Variants in CHRM2 observed in about 807,000 individuals in gnomAD.
CHRM2 encodes the protein muscarinic acetylcholine receptor M2.
Under a neutral mutation model 25.0 loss-of-function variants are expected in CHRM2, and 8 were observed. The observed-to-expected ratio is 0.32, with a 90% CI of 0.19 to 0.58. The LOEUF is 0.58. Ranked by LOEUF, CHRM2 falls within the 20% of genes least tolerant of loss-of-function variation. CHRM2 has a pLI of 0.88. For missense variants in CHRM2, 440 were observed against 567.1 expected (o/e 0.78, Z 2.28); for synonymous variants, 202 against 205.7 (o/e 0.98, Z 0.15).
chr7:137,000,194 C>CTTTTTTT (rs57283576), intron 3 of CHRM2, among the ~76,000 whole-genome samples: 7 of 73,310 alleles, frequency 9.5e-5, no homozygotes, highest in East Asian at 4.6e-4. Context: ...CTTTTTCTTT[C>CTTTTTTT]TTTTTTTTTT....
chr7:136,987,792 A>T (rs1802957487), intron 2 of CHRM2, among the ~76,000 whole-genome samples: 2 of 152,136 alleles, frequency 1.3e-5, no homozygotes, highest in South Asian at 4.1e-4. Flanking sequence ...CCACTTACAT[A>T]TTCTCTTAAA....
At chr7:136,969,596 T>C (rs1801633090) in intron 2 of CHRM2, among the ~76,000 whole-genome samples, 1 of 152,178 alleles carries the variant, frequency 6.6e-6, no homozygotes, top group East Asian at 1.9e-4. Context: ...TGTCTTCTGA[T>C]CAATGCTTGG....
intron 3 of CHRM2, among the ~76,000 whole-genome samples, chr7:137,011,921 T>C (rs1200603688): frequency 1.3e-5 from 2 of 152,000 alleles, no homozygotes; most frequent in African/African-American, 4.8e-5. Flanking sequence ...TCTTTCAGGA[T>C]TGTAATTTTG....
intron 2 of CHRM2, among the ~76,000 whole-genome samples, chr7:136,901,614 T>C (rs1224236217): frequency 1.3e-5 from 2 of 151,972 alleles, no homozygotes; most frequent in African/African-American, 2.4e-5. Context: ...TGATGTCATT[T>C]TTTTCCCCCA....
intron 2 of CHRM2, among the ~76,000 whole-genome samples, chr7:136,929,119 T>C (rs1798910762): frequency 6.6e-6 from 1 of 151,818 alleles, no homozygotes; most frequent in Non-Finnish European, 1.5e-5. Flanking sequence ...CTAGAACTTT[T>C]GGTCATTTTA....
chr7:136,928,063 A>G (rs1373508426), intron 2 of CHRM2, among the ~76,000 whole-genome samples: 2 of 152,182 alleles, frequency 1.3e-5, no homozygotes, highest in Non-Finnish European at 2.9e-5. Context: ...ACTGGAGAGA[A>G]TTTTGCGCAG....
At chr7:136,897,194 T>G (rs1796950902) in intron 2 of CHRM2, among the ~76,000 whole-genome samples, 2 of 151,116 alleles carry the variant, frequency 1.3e-5, no homozygotes, top group South Asian at 2.1e-4. Context: ...CTTAGGCAGA[T>G]GGAAATGGTA....
intron 2 of CHRM2, among the ~76,000 whole-genome samples, chr7:136,874,202 C>T (rs1795957214): frequency 2.0e-5 from 3 of 152,038 alleles, no homozygotes; most frequent in South Asian, 2.1e-4. Flanking sequence ...TTTCAATGGC[C>T]CCATTTACTT....
chr7:136,900,408 A>G (rs2130613637), intron 2 of CHRM2, among the ~76,000 whole-genome samples: 1 of 152,246 alleles, frequency 6.6e-6, no homozygotes, highest in African/African-American at 2.4e-5. Context: ...AATTTTGAGC[A>G]GGAGGCTGCG....
chr7:136,950,750 C>G (rs1175898243), intron 2 of CHRM2, among the ~76,000 whole-genome samples: 1 of 152,044 alleles, frequency 6.6e-6, no homozygotes, highest in Non-Finnish European at 1.5e-5. Flanking sequence ...TGAACAAGTC[C>G]AGTGCTTTTA....
intron 2 of CHRM2, among the ~76,000 whole-genome samples, chr7:136,951,828 C>G (rs1800429852): frequency 6.6e-6 from 1 of 152,144 alleles, no homozygotes; most frequent in South Asian, 2.1e-4. Flanking sequence ...AAATGGCAAC[C>G]TTTAATCTAC....
chr7:136,904,396 C>A (rs1050343222), intron 2 of CHRM2, among the ~76,000 whole-genome samples: 6 of 151,726 alleles, frequency 4.0e-5, no homozygotes, highest in Admixed American at 2.6e-4. Flanking sequence ...AGATGGCTAC[C>A]ATTATCTATT....
intron 3 of CHRM2, among the ~76,000 whole-genome samples, chr7:137,000,194 C>CTTTTTTTTTT (rs57283576): frequency 2.5e-4 from 18 of 73,340 alleles, no homozygotes; most frequent in East Asian, 4.6e-4. Flanking sequence ...CTTTTTCTTT[C>CTTTTTTTTTT]TTTTTTTTTT....
chr7:136,982,688 C>T (rs192164477), intron 2 of CHRM2, among the ~76,000 whole-genome samples: 18 of 152,202 alleles, frequency 1.2e-4, no homozygotes, highest in Admixed American at 9.8e-4. Flanking sequence ...TTTTATTTCT[C>T]CTTCACTTAT....
intron 2 of CHRM2, among the ~76,000 whole-genome samples, chr7:136,955,037 T>C (rs1410780533): frequency 6.6e-6 from 1 of 152,186 alleles, no homozygotes; most frequent in Non-Finnish European, 1.5e-5. Context: ...GTGCTGCACT[T>C]TCCTTTCTTG....
intron 2 of CHRM2, chr7:136,871,137 A>T (rs569421805): frequency 6.5e-6 from 1 of 153,596 alleles, no homozygotes; most frequent in South Asian, 2.1e-4. Flanking sequence ...GCCATGGCCC[A>T]CGCAGGGCTC....
At chr7:136,975,653 C>A (rs1421043430) in intron 2 of CHRM2, among the ~76,000 whole-genome samples, 2 of 152,126 alleles carry the variant, frequency 1.3e-5, no homozygotes, top group Non-Finnish European at 2.9e-5. Context: ...TTTATAATAT[C>A]AAAGGACAGA....
At chr7:136,979,706 C>A (rs920084961) in intron 2 of CHRM2, among the ~76,000 whole-genome samples, 1 of 152,146 alleles carries the variant, frequency 6.6e-6, no homozygotes. Context: ...ATAGGGAATC[C>A]TTTCCCCATT....
At chr7:137,012,900 G>A (rs773855317) in intron 3 of CHRM2, among the ~76,000 whole-genome samples, 9 of 151,788 alleles carry the variant, frequency 5.9e-5, no homozygotes, top group African/African-American at 1.9e-4. Context: ...TGATTATCCC[G>A]CTAGTCCCAC....
Sources: gnomAD v4.1 joint callset for allele counts (sites outside exome capture counted in the v4.1 genomes callset) on GRCh38, gnomAD v4.1.1 for gene constraint, MANE v1.5 for transcripts, NCBI Gene and HGNC (gene_info 2026-07-23, HGNC 2026-07-21) for gene names.